The following TNFAIP8 variants were observed in gnomAD, a reference collection of about 807,000 sequenced individuals.
The protein encoded by TNFAIP8 is tumor necrosis factor alpha-induced protein 8.
In TNFAIP8, 7 loss-of-function variants were observed where a neutral mutation model predicts 13.3. The observed-to-expected ratio is 0.52, with a 90% CI of 0.30 to 0.99. The LOEUF is 0.99. Among genes scored for constraint, TNFAIP8 ranks in the 50% least tolerant of loss-of-function variants. The pLI, the probability that TNFAIP8 is intolerant of heterozygous loss-of-function variation, is 0.07. For synonymous variants in TNFAIP8, 94 were observed against 87.6 expected (o/e 1.07, Z -0.41); for missense variants, 258 against 236.9 (o/e 1.09, Z -0.58).
At chr5:119,323,616 C>A (rs1169497621) in intron 1 of TNFAIP8, among the ~76,000 whole-genome samples, 1 of 152,186 alleles carries the variant, frequency 6.6e-6, no homozygotes. Flanking sequence ...TGTTTCCCTC[C>A]ACTCTGTAGT....
intron 1 of TNFAIP8, among the ~76,000 whole-genome samples, chr5:119,368,166 C>T (rs32657): frequency 0.39 from 58,606 of 151,720 alleles, 11,615 homozygotes; most frequent in South Asian, 0.52. Flanking sequence ...CATTTTTTTC[C>T]CCAAAAGTTG....
intron 1 of TNFAIP8, among the ~76,000 whole-genome samples, chr5:119,362,482 C>G (rs924851081): frequency 3.3e-5 from 5 of 152,138 alleles, no homozygotes; most frequent in Non-Finnish European, 5.9e-5. Context: ...CTTAATCTTT[C>G]TGAAGTTCAG....
At chr5:119,355,890 C>A, upstream of TNFAIP8, 3 of 1,207,778 alleles carry the variant, frequency 2.5e-6, no homozygotes, top group South Asian at 2.0e-5. Context: ...CCAGCTGACA[C>A]GCGATTCGTC....
intron 1 of TNFAIP8, among the ~76,000 whole-genome samples, chr5:119,312,745 C>CAAAAA (rs869226026): frequency 1.5e-3 from 64 of 43,328 alleles, no homozygotes; most frequent in South Asian, 3.6e-3. Context: ...GCAAAAAATA[C>CAAAAA]AAAAAAAAAA....
intron 1 of TNFAIP8, among the ~76,000 whole-genome samples, chr5:119,304,151 C>T (rs925903140): frequency 2.0e-5 from 3 of 151,912 alleles, no homozygotes; most frequent in African/African-American, 7.3e-5. Context: ...TACGGTCTTG[C>T]TCTGTTGCCC....
At chr5:119,301,514 A>G (rs763524541) in intron 1 of TNFAIP8, among the ~76,000 whole-genome samples, 1 of 152,096 alleles carries the variant, frequency 6.6e-6, no homozygotes, top group Non-Finnish European at 1.5e-5. Flanking sequence ...CCTTGATTAT[A>G]TGTGGTTTTG....
intron 1 of TNFAIP8, among the ~76,000 whole-genome samples, chr5:119,276,965 T>C (rs1174771444): frequency 6.6e-6 from 1 of 152,220 alleles, no homozygotes; most frequent in Non-Finnish European, 1.5e-5. Flanking sequence ...TTTTTTCCTA[T>C]ACATATGTAC....
chr5:119,330,845 C>T (rs1750354484), intron 1 of TNFAIP8, among the ~76,000 whole-genome samples: 1 of 152,122 alleles, frequency 6.6e-6, no homozygotes, highest in South Asian at 2.1e-4. Flanking sequence ...TACTGTGACA[C>T]TCCAGGCTAC....
At chr5:119,273,042 A>T (rs533377713) in intron 1 of TNFAIP8, among the ~76,000 whole-genome samples, 1 of 152,318 alleles carries the variant, frequency 6.6e-6, no homozygotes, top group South Asian at 2.1e-4. Flanking sequence ...AAACATTGGG[A>T]ATAAAGATGA....
upstream of TNFAIP8, chr5:119,354,679 T>TA (rs755316882): frequency 6.6e-6 from 1 of 152,452 alleles, no homozygotes. Flanking sequence ...ATACTATTTT[T>TA]ATCTTCATTT....
intron 1 of TNFAIP8, among the ~76,000 whole-genome samples, chr5:119,282,616 C>CAG (rs1748665610): frequency 6.6e-6 from 1 of 152,208 alleles, no homozygotes; most frequent in Non-Finnish European, 1.5e-5. Flanking sequence ...CTGTGGTCCC[C>CAG]ACGCCTGCTT....
At chr5:119,362,368 A>C (rs1015263463) in intron 1 of TNFAIP8, among the ~76,000 whole-genome samples, 1 of 152,306 alleles carries the variant, frequency 6.6e-6, no homozygotes, top group African/African-American at 2.4e-5. Flanking sequence ...GGACTTTCCC[A>C]GGGGGACATT....
intron 1 of TNFAIP8, among the ~76,000 whole-genome samples, chr5:119,307,638 T>C (rs775877148): frequency 3.9e-5 from 6 of 152,276 alleles, no homozygotes; most frequent in Non-Finnish European, 5.9e-5. Context: ...CAATTGGAGA[T>C]ATGTTGTATA....
intron 1 of TNFAIP8, among the ~76,000 whole-genome samples, chr5:119,365,041 G>A (rs2112797696): frequency 6.6e-6 from 1 of 151,782 alleles, no homozygotes; most frequent in South Asian, 2.1e-4. Flanking sequence ...TAGTAAAGAT[G>A]AAGTTTCACC....
At chr5:119,373,428 C>G in intron 1 of TNFAIP8, among the ~76,000 whole-genome samples, 1 of 152,238 alleles carries the variant, frequency 6.6e-6, no homozygotes, top group East Asian at 1.9e-4. Flanking sequence ...GACGTCAAGA[C>G]AGGCATACAA....
intron 1 of TNFAIP8, among the ~76,000 whole-genome samples, chr5:119,273,474 A>G (rs1347071525): frequency 6.6e-6 from 1 of 152,220 alleles, no homozygotes; most frequent in African/African-American, 2.4e-5. Context: ...GCAGGGTCAC[A>G]TGATTATATA....
chr5:119,320,083 T>C (rs1477608433), intron 1 of TNFAIP8, among the ~76,000 whole-genome samples: 2 of 152,180 alleles, frequency 1.3e-5, no homozygotes, highest in Non-Finnish European at 2.9e-5. Context: ...TCAAGACGAC[T>C]ACTGGGAGGG....
chr5:119,383,672 A>G lies in TNFAIP8; in HGVS notation c.32-9144A>G, dbSNP rs550889557. Among the ~76,000 whole-genome samples the G allele has an allele frequency of 2.6e-5, 4 of 152,330 alleles. No individual in the cohort carries two copies. The East Asian group carries it at 5.8e-4, about 22-fold the overall frequency. On this transcript the variant is annotated intron_variant, in intron 1 of 1. Coordinates refer to ENST00000504771, the MANE Select transcript of TNFAIP8 (RefSeq NM_014350.4). ...TATTCATGTATTTGCTTAGTTATGC[A>G]GGGAGAAAAAAAACAAATCTAAGTT... is the stretch of plus-strand genomic sequence containing the variant.
At chr5:119,349,670 T>C (rs898602547) in intron 1 of TNFAIP8, among the ~76,000 whole-genome samples, 1 of 152,248 alleles carries the variant, frequency 6.6e-6, no homozygotes, top group Non-Finnish European at 1.5e-5. Flanking sequence ...AAAAAAAAGA[T>C]TCATAGTTTC....
Sources: allele counts gnomAD v4.1 joint callset (sites outside exome capture counted in the v4.1 genomes callset), GRCh38; gene constraint gnomAD v4.1.1; transcripts MANE v1.5; gene names NCBI Gene and HGNC (gene_info 2026-07-23, HGNC 2026-07-21).